SLC16A10: variants seen among roughly 807,000 people sequenced by gnomAD.
SLC16A10 encodes the protein monocarboxylate transporter 10.
SLC16A10 carries 27 observed loss-of-function variants against 40.0 expected under a neutral mutation model. That is an observed-to-expected ratio of 0.67 (90% CI 0.50 to 0.93). The LOEUF is 0.93. SLC16A10 is among the 40% of genes least tolerant of loss of function. The probability of loss-of-function intolerance (pLI) is 0.00; values close to 1 mark genes in which losing one functional copy is unlikely to be tolerated. For missense variants in SLC16A10, 529 were observed against 658.2 expected (o/e 0.80, Z 2.15); for synonymous variants, 213 against 249.8 (o/e 0.85, Z 1.39).
chr6:111,190,190 G>A (rs191698602), intron 3 of SLC16A10, among the ~76,000 whole-genome samples: 246 of 152,316 alleles, frequency 1.6e-3, no homozygotes, highest in Non-Finnish European at 3.0e-3. Context: ...ATCCAATAGG[G>A]CAGTCATTAA....
chr6:111,087,781 C>T lies in SLC16A10; in HGVS notation c.29C>T (p.Ser10Phe). 8.1e-7 allele frequency: 1 copy of T among 1,228,980 alleles called. No homozygotes were observed. Among genetic ancestry groups the T allele is most frequent in the Non-Finnish European group, 1.0e-6 (1 of 987,322 alleles). 76.1% of individuals were successfully genotyped at this position (1,228,980 alleles called of 1,614,324 possible). A position where few individuals can be genotyped will look rare whatever the true frequency, so the allele number is the denominator to read the frequency against. Reference protein sequence around the residue: MVLSQEEPDSARGTSEAQPL... With the variant: MVLSQEEPDFARGTSEAQPL... ...GTGCTCTCCCAGGAGGAGCCGGACT[C>T]CGCGCGGGGCACGAGCGAGGCGCAG... Residue 10 changes from serine to phenylalanine, a missense_variant, in exon 1 of 6, where the codon TCC becomes TTC. Ser to Phe is a radical substitution (Grantham distance 155). Transcript: ENST00000368851.
chr6:111,148,164 A>G (rs1012931282), intron 1 of SLC16A10, among the ~76,000 whole-genome samples: 47 of 152,132 alleles, frequency 3.1e-4, no homozygotes, highest in Admixed American at 3.1e-3. Context: ...TTGGGATCCT[A>G]TCTTTCTCCT....
intron 5 of SLC16A10, 58 bp downstream of exon 5, chr6:111,219,100 CTTAA>C (rs1770839363): frequency 6.9e-7 from 1 of 1,444,702 alleles, no homozygotes; most frequent in South Asian, 1.2e-5. Flanking sequence ...TACTTCAGGT[CTTAA>C]TTAAGTCTCA....
At chr6:111,159,512 T>G (rs1423210397) in intron 1 of SLC16A10, among the ~76,000 whole-genome samples, 1 of 152,120 alleles carries the variant, frequency 6.6e-6, no homozygotes, top group African/African-American at 2.4e-5. Flanking sequence ...TATACCATAA[T>G]TTGTTTATCT....
At chr6:111,142,403 T>C (rs1047758717) in intron 1 of SLC16A10, among the ~76,000 whole-genome samples, 11 of 152,016 alleles carry the variant, frequency 7.2e-5, no homozygotes, top group African/African-American at 2.7e-4. Flanking sequence ...AACACAAAAC[T>C]ATACAAATTT....
At chr6:111,088,377 A>AC (rs749023207) in intron 1 of SLC16A10, among the ~76,000 whole-genome samples, 1 of 152,210 alleles carries the variant, frequency 6.6e-6, no homozygotes, top group Non-Finnish European at 1.5e-5. Context: ...AGCAGAGCAG[A>AC]CGCTAACAGT....
At chr6:111,206,169 C>CG (rs1773249724) in intron 3 of SLC16A10, among the ~76,000 whole-genome samples, 1 of 149,460 alleles carries the variant, frequency 6.7e-6, no homozygotes, top group Admixed American at 6.6e-5. Flanking sequence ...CTCTGCCTCC[C>CG]GGGTTCAAGC....
intron 1 of SLC16A10, among the ~76,000 whole-genome samples, chr6:111,134,612 G>A (rs1771844074): frequency 6.6e-6 from 1 of 152,034 alleles, no homozygotes; most frequent in Non-Finnish European, 1.5e-5. Flanking sequence ...GGACTTTGGA[G>A]GCTCTGGAAA....
At chr6:111,160,987 C>T (rs573184959) in intron 1 of SLC16A10, among the ~76,000 whole-genome samples, 1 of 152,066 alleles carries the variant, frequency 6.6e-6, no homozygotes, top group African/African-American at 2.4e-5. Flanking sequence ...CTTTGGGATG[C>T]CAAGGCAGGT....
At chr6:111,161,632 C>T (rs1350610473) in intron 1 of SLC16A10, among the ~76,000 whole-genome samples, 1 of 152,090 alleles carries the variant, frequency 6.6e-6, no homozygotes, top group Non-Finnish European at 1.5e-5. Flanking sequence ...TCGTCTGAGG[C>T]TCCAGTTTCA....
chr6:111,143,265 T>G (rs891588079), intron 1 of SLC16A10, among the ~76,000 whole-genome samples: 1 of 151,918 alleles, frequency 6.6e-6, no homozygotes, highest in Non-Finnish European at 1.5e-5. Context: ...TTTGAGAGAT[T>G]GGGTCTTGCT....
intron 1 of SLC16A10, among the ~76,000 whole-genome samples, chr6:111,169,842 T>A (rs1481941397): frequency 6.6e-6 from 1 of 152,172 alleles, no homozygotes; most frequent in East Asian, 1.9e-4. Flanking sequence ...TTTTTAATAT[T>A]TGGTATAGAA....
chr6:111,162,327 C>T (rs1384486968), intron 1 of SLC16A10, among the ~76,000 whole-genome samples: 2 of 152,174 alleles, frequency 1.3e-5, no homozygotes, highest in African/African-American at 2.4e-5. Context: ...GGGTTTGTAT[C>T]CTCAAATACC....
chr6:111,104,574 A>G lies in SLC16A10; in HGVS notation c.343+16479A>G, dbSNP rs113593373. On this transcript the variant is annotated intron_variant, in intron 1 of 5. Transcript: ENST00000368851. ...GGACAGGTATGGGGCATGAGGAGAA[A>G]GAGTTGCCAGGGAAAGGCTGGCTCA... is the stretch of plus-strand genomic sequence containing the variant. Among the ~76,000 whole-genome samples the G allele has an allele frequency of 3.0e-3, 450 of 152,304 alleles. 5 individuals are homozygous for G. Among genetic ancestry groups the G allele is most frequent in the African/African-American group, 0.01 (426 of 41,562 alleles).
At chr6:111,183,760 C>G (rs1772846015) in intron 3 of SLC16A10, among the ~76,000 whole-genome samples, 1 of 152,128 alleles carries the variant, frequency 6.6e-6, no homozygotes, top group Non-Finnish European at 1.5e-5. Context: ...TTCACTTATG[C>G]CTTTGCTGAA....
At chr6:111,134,632 C>A (rs1771844551) in intron 1 of SLC16A10, among the ~76,000 whole-genome samples, 1 of 152,078 alleles carries the variant, frequency 6.6e-6, no homozygotes, top group Admixed American at 6.5e-5. Context: ...AAGGGAAAAG[C>A]TGGGCAAATA....
At chr6:111,132,399 G>A (rs539821093) in intron 1 of SLC16A10, among the ~76,000 whole-genome samples, 6 of 152,340 alleles carry the variant, frequency 3.9e-5, no homozygotes, top group African/African-American at 1.4e-4. Flanking sequence ...TATTGTCAGT[G>A]TAAACAAGGG....
intron 3 of SLC16A10, among the ~76,000 whole-genome samples, chr6:111,188,285 T>C (rs1186687967): frequency 2.0e-5 from 3 of 148,208 alleles, no homozygotes; most frequent in Non-Finnish European, 3.0e-5. Context: ...CTCCCTCCCT[T>C]CCTTCTTTCT....
At chr6:111,105,377 T>A (rs903758373) in intron 1 of SLC16A10, among the ~76,000 whole-genome samples, 1 of 152,198 alleles carries the variant, frequency 6.6e-6, no homozygotes, top group Non-Finnish European at 1.5e-5. Context: ...AAAAGAGTTA[T>A]CTAGGAGAGC....
Sources: allele counts gnomAD v4.1 joint callset (sites outside exome capture counted in the v4.1 genomes callset), GRCh38; gene constraint gnomAD v4.1.1; transcripts MANE v1.5; gene names NCBI Gene and HGNC (gene_info 2026-07-23, HGNC 2026-07-21).